ZC3H12D: variants seen among roughly 807,000 people sequenced by gnomAD.
The protein encoded by ZC3H12D is probable ribonuclease ZC3H12D.
Under a neutral mutation model 24.2 loss-of-function variants are expected in ZC3H12D, and 11 were observed. That is an observed-to-expected ratio of 0.46 (90% CI 0.29 to 0.75). The LOEUF (loss-of-function observed/expected upper bound fraction) is 0.75, where lower values mean the gene tolerates loss of function less well. ZC3H12D is among the 30% of genes least tolerant of loss of function. The pLI, the probability that ZC3H12D is intolerant of heterozygous loss-of-function variation, is 0.11. For synonymous variants in ZC3H12D, 333 were observed against 341.8 expected, an observed-to-expected ratio of 0.97 and a Z score of 0.28; for missense variants, 740 against 767.7, an observed-to-expected ratio of 0.96 and a Z score of 0.43.
At chr6:149,471,887 C>T (rs1453609585) in intron 2 of ZC3H12D, among the ~76,000 whole-genome samples, 1 of 152,230 alleles carries the variant, frequency 6.6e-6, no homozygotes, top group Non-Finnish European at 1.5e-5. Flanking sequence ...CTCCCCACCA[C>T]CGCAAGGCCA....
In ZC3H12D at chr6:149,462,010, G is replaced by A. The variant is rs1219235621; in HGVS notation, c.306-40C>T. 17 of 1,589,758 alleles carry A rather than the reference G, an allele frequency of 1.1e-5. No individual in the cohort carries two copies. In the East Asian group the frequency reaches 3.6e-4, roughly 34 times the overall value. Reference sequence around the variant, plus strand: ...CAAAGAAATCATAGAGACACAGCAAGTGTTCCTAAGAGTGATTTCCCTGCG... The same window carrying A: ...CAAAGAAATCATAGAGACACAGCAAATGTTCCTAAGAGTGATTTCCCTGCG... On this transcript the variant is annotated intron_variant, in intron 2 of 5. Coordinates refer to ENST00000409806, the MANE Select transcript of ZC3H12D (RefSeq NM_207360.3).
rs1158220223 is a variant in ZC3H12D, at chr6:149,449,015, G to C, written c.*1668C>G. 1 of 152,270 alleles carries C rather than the reference G, an allele frequency of 6.6e-6. No homozygotes were observed. Among genetic ancestry groups the C allele is most frequent in the African/African-American group, 2.4e-5 (1 of 41,460 alleles). 9.4% of individuals were successfully genotyped at this position (152,270 alleles called of 1,614,324 possible). Reference sequence around the variant, plus strand: ...ACCAAGCCCTCTAGTGAACAAATGAGCCATAGTCTGGAGGGCTGGCATGGT... The same window carrying C: ...ACCAAGCCCTCTAGTGAACAAATGACCCATAGTCTGGAGGGCTGGCATGGT... On this transcript the variant is annotated 3_prime_UTR_variant, in exon 6 of 6. Coordinates refer to ENST00000409806, the MANE Select transcript of ZC3H12D (RefSeq NM_207360.3).
At chr6:149,462,177 C>T (rs1776084820) in intron 2 of ZC3H12D, among the ~76,000 whole-genome samples, 1 of 152,126 alleles carries the variant, frequency 6.6e-6, no homozygotes. Context: ...AGTTTGAGAT[C>T]AGCCTGGCCA....
intron 3 of ZC3H12D, among the ~76,000 whole-genome samples, chr6:149,458,215 T>C (rs1776018684): frequency 7.0e-6 from 1 of 142,842 alleles, no homozygotes; most frequent in Non-Finnish European, 1.5e-5. Flanking sequence ...GGCTCACTGC[T>C]GCTTCTACCC....
At chr6:149,477,621 CCACCCA>C (rs1223146498) in intron 1 of ZC3H12D, among the ~76,000 whole-genome samples, 7 of 152,174 alleles carry the variant, frequency 4.6e-5, no homozygotes, top group African/African-American at 1.7e-4. Flanking sequence ...TGTTGGGGTG[CCACCCA>C]CACCCTCCAT....
chr6:149,480,109 A>T (rs1052009870), intron 1 of ZC3H12D, among the ~76,000 whole-genome samples: 3 of 152,188 alleles, frequency 2.0e-5, no homozygotes, highest in Admixed American at 2.0e-4. Context: ...TTTGCCGCTC[A>T]CTGACTCAAC....
chr6:149,459,652 A>T (rs1441452657), intron 3 of ZC3H12D: 6 of 717,798 alleles, frequency 8.4e-6, no homozygotes, highest in African/African-American at 1.7e-5. Flanking sequence ...AGGAGAATGG[A>T]CCTCCACTCA....
At chr6:149,464,848 G>A (rs974611063) in intron 2 of ZC3H12D, among the ~76,000 whole-genome samples, 4 of 152,144 alleles carry the variant, frequency 2.6e-5, no homozygotes, top group Non-Finnish European at 5.9e-5. Flanking sequence ...GCTGGAGCAC[G>A]AGGAATGAGC....
rs987977533 is a variant in ZC3H12D, at chr6:149,452,322, G to A, written c.787+294C>T. 6.1e-6 allele frequency: 2 copies of A among 328,402 alleles called. No homozygotes were observed. Among genetic ancestry groups the A allele is most frequent in the South Asian group, 1.0e-4 (1 of 9,808 alleles). 20.3% of individuals were successfully genotyped at this position (328,402 alleles called of 1,614,324 possible). ...GGGCCAGGTGAAGGGACTGAGACCC[G>A]CAGCTGGGTTTGTGTCCAGGCTCCC... is the stretch of plus-strand genomic sequence containing the variant. On this transcript the variant is annotated intron_variant, in intron 5 of 5. Transcript: ENST00000409806. This position sits in a 1 kb window ranked among gnomAD's most constrained non-coding sequence, Gnocchi z 4.0.
intron 1 of ZC3H12D, among the ~76,000 whole-genome samples, chr6:149,479,256 G>A (rs1776387408): frequency 6.6e-6 from 1 of 152,114 alleles, no homozygotes; most frequent in African/African-American, 2.4e-5. Flanking sequence ...AGCCACTCAG[G>A]AGGCTGAGAC....
rs773371124 is a variant in ZC3H12D, at chr6:149,451,466, G to C, written c.801C>G (p.Thr267=). 3.8e-6 allele frequency: 6 copies of C among 1,573,420 alleles called. No individual in the cohort carries two copies. The highest frequency in any genetic ancestry group is 5.1e-6 in the Non-Finnish European group (6 of 1,169,486). The change falls in exon 6 of 6, where the codon ACC becomes ACG. Residue 267 remains threonine, a synonymous_variant. Coordinates refer to ENST00000409806, the MANE Select transcript of ZC3H12D (RefSeq NM_207360.3). The part of the protein sequence containing the change: ...WQHCPYGKKC[T]YGIKCKFYHP... ...GGTAGAACTTGCACTTGATGCCATAGGTGCATTTCTTGCCTGAAAGGGGCG... is the reference window on the plus strand; with the variant it reads ...GGTAGAACTTGCACTTGATGCCATACGTGCATTTCTTGCCTGAAAGGGGCG...
intron 3 of ZC3H12D, among the ~76,000 whole-genome samples, chr6:149,457,966 T>A (rs935233520): frequency 1.3e-5 from 2 of 151,976 alleles, no homozygotes; most frequent in African/African-American, 4.8e-5. Context: ...TGTTTGGAAG[T>A]CCCCTCTGCC....
At chr6:149,471,713 A>G (rs1776246803) in intron 2 of ZC3H12D, among the ~76,000 whole-genome samples, 1 of 152,236 alleles carries the variant, frequency 6.6e-6, no homozygotes, top group African/African-American at 2.4e-5. Flanking sequence ...TAGAAGCTGG[A>G]AAAAATAAAA....
At chr6:149,475,723 A>AG (rs979809540) in intron 1 of ZC3H12D, among the ~76,000 whole-genome samples, 1 of 151,638 alleles carries the variant, frequency 6.6e-6, no homozygotes, top group Non-Finnish European at 1.5e-5. Flanking sequence ...CTCAAAAAAA[A>AG]AAAAGGGGCC....
Position 149,456,631 on chromosome 6 carries a change from G to GGCCCCCCCC in ZC3H12D, c.680+34_680+35insGGGGGGGGC. 2.5e-6 allele frequency: 2 copies of GGCCCCCCCC among 794,040 alleles called. No individual in the cohort carries two copies. Among genetic ancestry groups the GGCCCCCCCC allele is most frequent in the African/African-American group, 1.8e-5 (1 of 56,948 alleles). 49.2% of individuals were successfully genotyped at this position (794,040 alleles called of 1,614,324 possible). On this transcript the variant is annotated intron_variant, in intron 4 of 5. Coordinates refer to ENST00000409806, the MANE Select transcript of ZC3H12D (RefSeq NM_207360.3). The surrounding 1 kb of genome is among the most constrained non-coding windows in gnomAD (Gnocchi z 4.3). ...CTCGACCCCGGCCCCCCGCCCCGCC[G>GGCCCCCCCC]CCCCCCAGGGTGTCAGGACCCCAGC...
At chr6:149,473,965 A>G (rs1776288509) in intron 2 of ZC3H12D, among the ~76,000 whole-genome samples, 1 of 152,178 alleles carries the variant, frequency 6.6e-6, no homozygotes. Context: ...CTTGTTGATC[A>G]CTTACTCTGT....
At chr6:149,455,343 C>T (rs1432462274) in intron 4 of ZC3H12D, among the ~76,000 whole-genome samples, 2 of 152,214 alleles carry the variant, frequency 1.3e-5, no homozygotes, top group African/African-American at 4.8e-5. Flanking sequence ...GTGCTGGAGA[C>T]ACCGCACGTA....
chr6:149,475,139 C>G (rs1316574530), intron 1 of ZC3H12D, among the ~76,000 whole-genome samples: 1 of 152,100 alleles, frequency 6.6e-6, no homozygotes, highest in Non-Finnish European at 1.5e-5. Context: ...AGAAAGCAAC[C>G]CTGCAGGCAC....
chr6:149,463,971 A>G lies in ZC3H12D; in HGVS notation c.306-2001T>C, dbSNP rs138595991. Among the ~76,000 whole-genome samples, 76 of 152,342 alleles carry G rather than the reference A, an allele frequency of 5.0e-4. 1 individual carries two copies. The East Asian group carries it at 0.014, about 27-fold the overall frequency. On this transcript the variant is annotated intron_variant, in intron 2 of 5. Transcript: ENST00000409806. The stretch of plus-strand genomic sequence containing the variant: ...TTTAGACACATATTGAGCTGTTAAC[A>G]TTTCCACTTAGAGGAAATGTTAAGT...
Sources: allele counts gnomAD v4.1 joint callset (sites outside exome capture counted in the v4.1 genomes callset), GRCh38; gene constraint gnomAD v4.1.1; non-coding constraint Gnocchi (gnomAD v3.1); transcripts MANE v1.5; gene names NCBI Gene and HGNC (gene_info 2026-07-23, HGNC 2026-07-21).